ASPRV1: variants seen among roughly 807,000 people sequenced by gnomAD.
The protein encoded by ASPRV1 is retroviral-like aspartic protease 1.
A neutral mutation model predicts 11.0 loss-of-function variants in ASPRV1; 7 were observed. The observed-to-expected ratio is 0.64, with a 90% CI of 0.36 to 1.20. The LOEUF is 1.20. Ranked by LOEUF, ASPRV1 falls within the 50% of genes most tolerant of loss-of-function variation. The probability of loss-of-function intolerance (pLI) is 0.02; values close to 1 mark genes in which losing one functional copy is unlikely to be tolerated. For missense variants in ASPRV1, 299 were observed against 320.0 expected (o/e 0.93, Z 0.50); for synonymous variants, 136 against 138.4 (o/e 0.98, Z 0.12).
downstream of ASPRV1, among the ~76,000 whole-genome samples, chr2:69,955,842 A>C (rs1458733590): frequency 3.3e-5 from 5 of 152,180 alleles, no homozygotes; most frequent in Non-Finnish European, 5.9e-5. Context: ...AGAGAGAGGG[A>C]GAGAGAGAAA....
At chr2:70,056,208 G>A in the ASPRV1 span, 3 of 152,176 alleles carry the variant, frequency 2.0e-5, no homozygotes, top group Non-Finnish European at 2.9e-5. Context: ...AAGAAGAGTT[G>A]TTGTTTAATG....
the ASPRV1 span, chr2:69,937,441 C>G: frequency 6.8e-7 from 1 of 1,473,484 alleles, no homozygotes; most frequent in Non-Finnish European, 8.9e-7. Context: ...GCTCCCCAAC[C>G]CCAGAGCAGG....
upstream of ASPRV1, chr2:69,962,047 G>A: frequency 4.4e-6 from 1 of 226,114 alleles, no homozygotes. Context: ...CAGTTTACAT[G>A]TACTGAGCTC....
At chr2:70,026,930 G>A in the ASPRV1 span, among the ~76,000 whole-genome samples, 7 of 152,064 alleles carry the variant, frequency 4.6e-5, no homozygotes, top group East Asian at 1.9e-4. Flanking sequence ...TAGAGGCATC[G>A]CACTACCTGA....
the ASPRV1 span, among the ~76,000 whole-genome samples, chr2:70,014,878 A>G: frequency 3.9e-5 from 6 of 152,008 alleles, no homozygotes; most frequent in Non-Finnish European, 1.5e-5. Context: ...TGCAAATCTT[A>G]TATCTGAAAA....
At chr2:70,037,658 A>C in the ASPRV1 span, among the ~76,000 whole-genome samples, 1 of 152,024 alleles carries the variant, frequency 6.6e-6, no homozygotes, top group African/African-American at 2.4e-5. Context: ...TAACGTGTAA[A>C]AGCTCTGTGT....
At chr2:70,034,677 G>A in the ASPRV1 span, among the ~76,000 whole-genome samples, 1 of 152,120 alleles carries the variant, frequency 6.6e-6, no homozygotes, top group Non-Finnish European at 1.5e-5. Context: ...ACTGCCCACA[G>A]ACACCTCCAA....
chr2:69,968,301 G>A, the ASPRV1 span: 1 of 152,280 alleles, frequency 6.6e-6, no homozygotes. Flanking sequence ...GGGAGGCCAA[G>A]GTGGGTAGAT....
the ASPRV1 span, among the ~76,000 whole-genome samples, chr2:70,067,799 C>T: frequency 7.9e-5 from 12 of 152,176 alleles, no homozygotes; most frequent in African/African-American, 2.9e-4. Context: ...ACAGAAATAA[C>T]TGAAATGGGG....
the ASPRV1 span, among the ~76,000 whole-genome samples, chr2:69,974,741 G>A: frequency 6.6e-6 from 1 of 152,250 alleles, no homozygotes; most frequent in African/African-American, 2.4e-5. Flanking sequence ...TTGTGGATGA[G>A]AACTCTGGAC....
chr2:70,015,318 C>G, the ASPRV1 span: 1 of 152,204 alleles, frequency 6.6e-6, no homozygotes, highest in Admixed American at 6.5e-5. Flanking sequence ...GACAGAGGAT[C>G]AATTTATCAA....
At chr2:69,936,937 G>A in the ASPRV1 span, 1 of 531,650 alleles carries the variant, frequency 1.9e-6, no homozygotes, top group Non-Finnish European at 3.7e-6. Context: ...GGGGACTGCT[G>A]CCTGCAGTCT....
the ASPRV1 span, among the ~76,000 whole-genome samples, chr2:70,033,070 T>C: frequency 6.6e-6 from 1 of 152,140 alleles, no homozygotes; most frequent in African/African-American, 2.4e-5. Flanking sequence ...CTATCCCAAG[T>C]TCTATGAGAA....
the ASPRV1 span, chr2:69,996,555 G>C: frequency 3.7e-4 from 144 of 384,046 alleles, no homozygotes; most frequent in African/African-American, 2.9e-3. Flanking sequence ...GGGCAGTGAT[G>C]TTCCAGAACA....
chr2:69,959,527 C>G (rs1215546546), downstream of ASPRV1, among the ~76,000 whole-genome samples: 1 of 152,064 alleles, frequency 6.6e-6, no homozygotes, highest in African/African-American at 2.4e-5. Context: ...GAATGTCCTC[C>G]CCTCCATCAG....
At chr2:70,038,763 G>A in the ASPRV1 span, among the ~76,000 whole-genome samples, 1 of 152,132 alleles carries the variant, frequency 6.6e-6, no homozygotes, top group Admixed American at 6.6e-5. Flanking sequence ...AGTTTGCAGA[G>A]GAGAGAAAGA....
chr2:69,960,525 C>T lies in ASPRV1; in HGVS notation c.*132G>A. On this transcript the variant is annotated 3_prime_UTR_variant, in exon 1 of 1. Coordinates refer to ENST00000320256, the MANE Select transcript of ASPRV1 (RefSeq NM_152792.4). ...AGATTAAGGCCCCTGCAGAGGGAGG[C>T]AAAGGGGAGAGAAGAGCAAGAGTTG... The T allele has an allele frequency of 1.0e-6, 1 of 982,450 alleles. No homozygotes were observed. Among genetic ancestry groups the T allele is most frequent in the African/African-American group, 1.6e-5 (1 of 61,436 alleles). 60.9% of individuals were successfully genotyped at this position (982,450 alleles called of 1,614,324 possible).
the ASPRV1 span, among the ~76,000 whole-genome samples, chr2:70,057,806 T>G: frequency 1.2e-4 from 18 of 152,030 alleles, no homozygotes; most frequent in East Asian, 1.2e-3. Context: ...GTTTTGTTTT[T>G]TTTTTTTAGA....
upstream of ASPRV1, chr2:69,963,430 C>T (rs1253573811): frequency 1.8e-5 from 8 of 456,562 alleles, no homozygotes; most frequent in African/African-American, 1.2e-4. Flanking sequence ...GAGTGTTGTT[C>T]TGTGGCTCAA....
Sources: allele counts gnomAD v4.1 joint callset (sites outside exome capture counted in the v4.1 genomes callset), GRCh38; gene constraint gnomAD v4.1.1; transcripts MANE v1.5; gene names NCBI Gene and HGNC (gene_info 2026-07-23, HGNC 2026-07-21).